Variants in EIF3CL observed in about 807,000 individuals in gnomAD.
EIF3CL encodes eukaryotic translation initiation factor 3 subunit C like.
For synonymous variants in EIF3CL, 2 were observed against 19.6 expected, an observed-to-expected ratio of 0.10 and a Z score of 2.37; for missense variants, 5 against 56.1, an observed-to-expected ratio of 0.09 and a Z score of 2.91.
chr16:28,416,718 G>A, the EIF3CL span, among the ~76,000 whole-genome samples: 45 of 112,130 alleles, frequency 4.0e-4, no homozygotes, highest in East Asian at 6.1e-4. Flanking sequence ...AGTGAGGAGC[G>A]TCTCCGCCCG....
At chr16:28,415,155 C>T in the EIF3CL span, 4 of 301,044 alleles carry the variant, frequency 1.3e-5, no homozygotes, top group East Asian at 3.9e-4. Flanking sequence ...GCCTGCCAGG[C>T]CTTCCCTGCC....
At chr16:28,386,370 TA>T (rs1347881777) in intron 15 of EIF3CL, among the ~76,000 whole-genome samples, 1 of 19,394 alleles carries the variant, frequency 5.2e-5, no homozygotes, top group Admixed American at 7.7e-4. Flanking sequence ...CCAATAAACA[TA>T]AAAAAGTAAA....
chr16:28,385,309 TGAATA>T (rs2045594850), intron 15 of EIF3CL, among the ~76,000 whole-genome samples: 1 of 131,528 alleles, frequency 7.6e-6, no homozygotes, highest in Admixed American at 8.1e-5. Context: ...ATTCATTATA[TGAATA>T]GAATGAAGGA....
the EIF3CL span, among the ~76,000 whole-genome samples, chr16:28,416,737 C>G: frequency 8.3e-6 from 1 of 120,094 alleles, no homozygotes; most frequent in Admixed American, 9.0e-5. Flanking sequence ...CGGCAGCCAC[C>G]CCGTCCGGGA....
the EIF3CL span, among the ~76,000 whole-genome samples, chr16:28,418,661 G>C: frequency 6.6e-6 from 1 of 151,270 alleles, no homozygotes; most frequent in Non-Finnish European, 1.5e-5. Flanking sequence ...ACACAGTTTC[G>C]CTCTTTTGCC....
the EIF3CL span, chr16:28,414,690 T>A: frequency 3.9e-4 from 139 of 354,384 alleles, 9 homozygotes; most frequent in Non-Finnish European, 7.2e-4. Context: ...GGAGCCTGTG[T>A]GGGGCTGCGC....
chr16:28,416,080 G>A, the EIF3CL span, among the ~76,000 whole-genome samples: 2 of 23,046 alleles, frequency 8.7e-5, no homozygotes, highest in South Asian at 7.7e-4. Flanking sequence ...GCCCCTAACC[G>A]CGAGTGATCC....
the EIF3CL span, chr16:28,414,770 C>G: frequency 4.6e-6 from 2 of 433,630 alleles, no homozygotes; most frequent in East Asian, 1.3e-4. Flanking sequence ...CAGCTTGGCC[C>G]TGGTGGCCTG....
chr16:28,415,809 TCCC>T, the EIF3CL span, among the ~76,000 whole-genome samples: 83 of 77,724 alleles, frequency 1.1e-3, 2 homozygotes, highest in African/African-American at 2.9e-3. Flanking sequence ...CCTCTCCCTC[TCCC>T]TCTTCCTCTC....
chr16:28,412,277 T>TG, the EIF3CL span, among the ~76,000 whole-genome samples: 1 of 15,436 alleles, frequency 6.5e-5, no homozygotes, highest in African/African-American at 4.2e-4. Context: ...GTTTTTTTTT[T>TG]TTTTTTTTTT....
At chr16:28,422,628 T>A in the EIF3CL span, among the ~76,000 whole-genome samples, 1 of 141,756 alleles carries the variant, frequency 7.1e-6, no homozygotes. Context: ...AGGTCAGGAG[T>A]TCGAGACCAG....
At chr16:28,417,030 C>A in the EIF3CL span, among the ~76,000 whole-genome samples, 1 of 54,356 alleles carries the variant, frequency 1.8e-5, no homozygotes, top group Non-Finnish European at 3.9e-5. Context: ...GTCAGCCCCC[C>A]CCGCCCGGCC....
the EIF3CL span, among the ~76,000 whole-genome samples, chr16:28,415,342 C>G: frequency 2.0e-5 from 2 of 99,606 alleles, no homozygotes; most frequent in Non-Finnish European, 3.8e-5. Flanking sequence ...GGGAGGGTCC[C>G]CAGCCACTAG....
the EIF3CL span, among the ~76,000 whole-genome samples, chr16:28,415,450 T>C: frequency 1.5e-3 from 206 of 141,660 alleles, 26 homozygotes; most frequent in East Asian, 0.04. Flanking sequence ...ATTTTAGATA[T>C]TAAAAGAAAA....
the EIF3CL span, among the ~76,000 whole-genome samples, chr16:28,417,205 C>A: frequency 6.7e-6 from 1 of 148,538 alleles, no homozygotes; most frequent in Non-Finnish European, 1.5e-5. Context: ...GGGGTCAGCC[C>A]CCCTGCCCGG....
chr16:28,415,308 G>A, the EIF3CL span, among the ~76,000 whole-genome samples: 15 of 79,952 alleles, frequency 1.9e-4, no homozygotes, highest in Admixed American at 4.8e-4. Context: ...GGCAGAGGTC[G>A]CCAGGCTGGT....
At chr16:28,416,763 T>C in the EIF3CL span, among the ~76,000 whole-genome samples, 2 of 79,452 alleles carry the variant, frequency 2.5e-5, no homozygotes, top group African/African-American at 4.7e-5. Context: ...GTGGGGGGGG[T>C]CAGCCCCCCC....
At chr16:28,416,679 T>G in the EIF3CL span, among the ~76,000 whole-genome samples, 1 of 67,258 alleles carries the variant, frequency 1.5e-5, no homozygotes, top group Non-Finnish European at 3.1e-5. Context: ...GTGAGGAGCG[T>G]CTCCGCCCGG....
At chr16:28,416,754 T>G in the EIF3CL span, among the ~76,000 whole-genome samples, 5 of 68,590 alleles carry the variant, frequency 7.3e-5, no homozygotes, top group Admixed American at 1.6e-4. Flanking sequence ...GGGAGGGAGG[T>G]GGGGGGGGTC....
Sources: allele counts gnomAD v4.1 joint callset (sites outside exome capture counted in the v4.1 genomes callset), GRCh38; gene constraint gnomAD v4.1.1; transcripts MANE v1.5; gene names NCBI Gene and HGNC (gene_info 2026-07-23, HGNC 2026-07-21).